The following EBF1 variants were observed in gnomAD, a reference collection of about 807,000 sequenced individuals.
EBF1 encodes the protein transcription factor COE1.
Under a neutral mutation model 68.4 loss-of-function variants are expected in EBF1, and 10 were observed. That is an observed-to-expected ratio of 0.15 (90% CI 0.09 to 0.25). The LOEUF is 0.25. Ranked by LOEUF, EBF1 falls within the 10% of genes least tolerant of loss-of-function variation. The probability of loss-of-function intolerance (pLI) is 1.00; values close to 1 mark genes in which losing one functional copy is unlikely to be tolerated. For synonymous variants in EBF1, 298 were observed against 299.8 expected, an observed-to-expected ratio of 0.99 and a Z score of 0.06; for missense variants, 509 against 794.4, an observed-to-expected ratio of 0.64 and a Z score of 4.32.
At chr5:158,809,053 G>T (rs1782120440) in intron 8 of EBF1, among the ~76,000 whole-genome samples, 2 of 151,966 alleles carry the variant, frequency 1.3e-5, no homozygotes, top group Non-Finnish European at 2.9e-5. Context: ...TTATAGCTGG[G>T]CATGTATATA....
chr5:158,756,264 A>AT (rs980939255), intron 10 of EBF1, among the ~76,000 whole-genome samples: 104 of 146,620 alleles, frequency 7.1e-4, no homozygotes, highest in Admixed American at 1.4e-3. Flanking sequence ...AAGTGTGAGA[A>AT]TTTTTTTTTT....
At chr5:158,768,298 T>C (rs192041080) in intron 10 of EBF1, among the ~76,000 whole-genome samples, 1 of 152,264 alleles carries the variant, frequency 6.6e-6, no homozygotes, top group East Asian at 1.9e-4. Context: ...TGCTAGGGCA[T>C]AAGATGATTA....
At chr5:158,842,656 A>G (rs1480894818) in intron 6 of EBF1, among the ~76,000 whole-genome samples, 16 of 152,216 alleles carry the variant, frequency 1.1e-4, no homozygotes, top group Admixed American at 5.2e-4. Context: ...AATTGCGATA[A>G]GGCAGAGTAA....
rs144841273 is a variant in EBF1, at chr5:158,966,556, G to A, written c.554+106840C>T. 2.2e-3 allele frequency among the ~76,000 whole-genome samples: 333 copies of A among 152,198 alleles called. 2 individuals are homozygous for A. Among genetic ancestry groups the A allele is most frequent in the African/African-American group, 7.5e-3 (313 of 41,550 alleles). On this transcript the variant is annotated intron_variant, in intron 6 of 15. Transcript: ENST00000313708. ...GAAATATCAATAAACTGGAATTGGCGATAAATGATTCACCCCGACAAAAAG... is the reference window on the plus strand; with the variant it reads ...GAAATATCAATAAACTGGAATTGGCAATAAATGATTCACCCCGACAAAAAG...
At chr5:158,961,977 T>C (rs1818260561) in intron 6 of EBF1, among the ~76,000 whole-genome samples, 2 of 152,294 alleles carry the variant, frequency 1.3e-5, no homozygotes, top group South Asian at 2.1e-4. Flanking sequence ...CACAAATGCA[T>C]CAACCCCATT....
Position 158,697,062 on chromosome 5 carries a change from A to T in EBF1, c.*2049T>A. 5.3e-6 allele frequency: 1 copy of T among 189,298 alleles called. No homozygotes were observed. Among genetic ancestry groups the T allele is most frequent in the Middle Eastern group, 1.9e-3 (1 of 530 alleles). 11.7% of individuals were successfully genotyped at this position (189,298 alleles called of 1,614,324 possible). ...TATGTGAAAGACAGAGGAAATATAC[A>T]AGCAGACTTAAGAAAGAAAGTATGT... On this transcript the variant is annotated 3_prime_UTR_variant, in exon 16 of 16. Coordinates refer to ENST00000313708, the MANE Select transcript of EBF1 (RefSeq NM_024007.5).
At chr5:158,979,323 C>A (rs1235659177) in intron 6 of EBF1, among the ~76,000 whole-genome samples, 1 of 152,020 alleles carries the variant, frequency 6.6e-6, no homozygotes, top group South Asian at 2.1e-4. Flanking sequence ...AAAAATAAAA[C>A]AAATAAACAA....
chr5:158,719,029 C>T (rs375886604), intron 11 of EBF1, among the ~76,000 whole-genome samples: 4 of 152,226 alleles, frequency 2.6e-5, no homozygotes, highest in African/African-American at 9.6e-5. Context: ...GATACAGTTA[C>T]TGATTTTTAA....
chr5:158,995,770 T>A (rs1761283279), intron 6 of EBF1, among the ~76,000 whole-genome samples: 1 of 152,242 alleles, frequency 6.6e-6, no homozygotes, highest in Non-Finnish European at 1.5e-5. Context: ...CAGTTCCTTC[T>A]TTCTTCATAT....
At chr5:158,764,173 A>T (rs1247871372) in intron 10 of EBF1, among the ~76,000 whole-genome samples, 1 of 152,222 alleles carries the variant, frequency 6.6e-6, no homozygotes, top group Non-Finnish European at 1.5e-5. Flanking sequence ...CAGGATTCAA[A>T]CTGGGATCTG....
intron 6 of EBF1, among the ~76,000 whole-genome samples, chr5:158,973,595 T>C (rs1756104180): frequency 6.6e-6 from 1 of 152,188 alleles, no homozygotes; most frequent in Non-Finnish European, 1.5e-5. Flanking sequence ...GAATTTTAAA[T>C]TTAATGTCTG....
intron 10 of EBF1, among the ~76,000 whole-genome samples, chr5:158,776,532 G>A (rs1413541236): frequency 2.6e-5 from 4 of 152,060 alleles, no homozygotes; most frequent in African/African-American, 9.7e-5. Flanking sequence ...ACTTAATCTG[G>A]TCTTGTGGTC....
chr5:159,028,979 C>T (rs2095236913), intron 6 of EBF1, among the ~76,000 whole-genome samples: 2 of 152,140 alleles, frequency 1.3e-5, no homozygotes, highest in Non-Finnish European at 2.9e-5. Context: ...ATGGAAGAAT[C>T]AATCATACGT....
chr5:159,068,885 GT>G (rs925196383), intron 6 of EBF1, among the ~76,000 whole-genome samples: 33 of 151,922 alleles, frequency 2.2e-4, no homozygotes, highest in Non-Finnish European at 3.7e-4. Context: ...AACAGACTAG[GT>G]TTTTCATTTT....
At chr5:158,865,865 T>A (rs1439266446) in intron 6 of EBF1, among the ~76,000 whole-genome samples, 2 of 152,222 alleles carry the variant, frequency 1.3e-5, no homozygotes, top group Non-Finnish European at 2.9e-5. Flanking sequence ...ACTTAAAGAA[T>A]GTCTGCAGAT....
intron 6 of EBF1, among the ~76,000 whole-genome samples, chr5:158,904,198 A>G (rs955382306): frequency 5.3e-5 from 8 of 152,142 alleles, no homozygotes; most frequent in African/African-American, 1.7e-4. Flanking sequence ...TGGAGCCTCA[A>G]TTTCCACATC....
chr5:158,835,101 A>G (rs1314973909), intron 7 of EBF1, among the ~76,000 whole-genome samples: 1 of 152,188 alleles, frequency 6.6e-6, no homozygotes, highest in Non-Finnish European at 1.5e-5. Flanking sequence ...AAAATGCTAA[A>G]AAGTATAGGT....
intron 4 of EBF1, among the ~76,000 whole-genome samples, chr5:159,091,273 G>A (rs749373016): frequency 3.3e-5 from 5 of 152,126 alleles, no homozygotes; most frequent in Admixed American, 6.5e-5. Flanking sequence ...ATCTGGCTCC[G>A]GCAATCTCTC....
chr5:159,063,622 G>A (rs1211254141), intron 6 of EBF1, among the ~76,000 whole-genome samples: 1 of 152,110 alleles, frequency 6.6e-6, no homozygotes, highest in Non-Finnish European at 1.5e-5. Flanking sequence ...TGAAAACAGT[G>A]CATGACATAT....
Sources: allele counts gnomAD v4.1 joint callset (sites outside exome capture counted in the v4.1 genomes callset), GRCh38; gene constraint gnomAD v4.1.1; transcripts MANE v1.5; gene names NCBI Gene and HGNC (gene_info 2026-07-23, HGNC 2026-07-21).